The following VPS13B variants were observed in gnomAD, a reference collection of about 807,000 sequenced individuals.
VPS13B encodes the protein vacuolar protein sorting 13 homolog B, also known as intermembrane lipid transfer protein VPS13B.
In VPS13B, 285 loss-of-function variants were observed where a neutral mutation model predicts 426.4. That is an observed-to-expected ratio of 0.67 (90% CI 0.61 to 0.74). The LOEUF (loss-of-function observed/expected upper bound fraction) is 0.74. VPS13B is among the 30% of genes least tolerant of loss of function. The pLI, the probability that VPS13B is intolerant of heterozygous loss-of-function variation, is 0.00. For synonymous variants in VPS13B, 1,676 were observed against 1,676.4 expected, an observed-to-expected ratio of 1.00 and a Z score of 0.01; for missense variants, 4,537 against 4,782.6, an observed-to-expected ratio of 0.95 and a Z score of 1.51.
chr8:99,098,482 G>T (rs893528847), intron 4 of VPS13B, among the ~76,000 whole-genome samples: 1 of 152,002 alleles, frequency 6.6e-6, no homozygotes, highest in Admixed American at 6.6e-5. Context: ...ATACAATCCT[G>T]TTGTATAACT....
intron 4 of VPS13B, among the ~76,000 whole-genome samples, chr8:99,098,898 C>A (rs1846580414): frequency 6.6e-6 from 1 of 151,960 alleles, no homozygotes; most frequent in Non-Finnish European, 1.5e-5. Flanking sequence ...ATTTTGTTAG[C>A]TGACCAGTAT....
intron 5 of VPS13B, among the ~76,000 whole-genome samples, chr8:99,105,568 G>A (rs1352134188): frequency 1.3e-5 from 2 of 152,048 alleles, no homozygotes; most frequent in South Asian, 2.1e-4. Context: ...TGGTAGAGAC[G>A]GGGTTTCACC....
At chr8:99,794,030 A>G (rs1812688431) in intron 43 of VPS13B, among the ~76,000 whole-genome samples, 1 of 152,220 alleles carries the variant, frequency 6.6e-6, no homozygotes, top group South Asian at 2.1e-4. Flanking sequence ...AGGCTAAGGT[A>G]GGAAAGATAG....
intron 39 of VPS13B, among the ~76,000 whole-genome samples, chr8:99,757,193 A>G (rs904115730): frequency 6.6e-6 from 1 of 152,166 alleles, no homozygotes; most frequent in African/African-American, 2.4e-5. Flanking sequence ...ATGGCGGGAA[A>G]AGTGATGAAG....
Position 99,501,811 on chromosome 8 carries a change from A to G in VPS13B, c.3995A>G (p.Lys1332Arg). 1 of 1,613,990 alleles carries G rather than the reference A, an allele frequency of 6.2e-7. No individual in the cohort carries two copies. Among genetic ancestry groups the G allele is most frequent in the Non-Finnish European group, 8.5e-7 (1 of 1,180,006 alleles). Residue 1332 changes from lysine (K) to arginine (R), a missense_variant, in exon 26 of 62, where the codon AAA (lysine) becomes AGA (arginine). Around this residue, in one of 2 missense-constraint regions of VPS13B, gnomAD observed 4,311 missense variants for 4,474.3 expected, o/e 0.96. Coordinates refer to ENST00000357162, the MANE Select transcript of VPS13B (RefSeq NM_152564.5). ...TTATGGATGCAGTGGGTGCTTCCCAAAATTACTATAAAGCTCTTTGCTCCA... is the reference window on the plus strand; with the variant it reads ...TTATGGATGCAGTGGGTGCTTCCCAGAATTACTATAAAGCTCTTTGCTCCA... ...VSLWMQWVLP[K>R]ITIKLFAPDP...
intron 39 of VPS13B, among the ~76,000 whole-genome samples, chr8:99,741,076 C>T (rs944531025): frequency 6.6e-6 from 1 of 152,062 alleles, no homozygotes; most frequent in African/African-American, 2.4e-5. Flanking sequence ...ATTCAGGAAG[C>T]CCATCTCATG....
intron 15 of VPS13B, among the ~76,000 whole-genome samples, chr8:99,166,639 G>A (rs980376184): frequency 6.6e-6 from 1 of 152,164 alleles, no homozygotes; most frequent in Non-Finnish European, 1.5e-5. Context: ...TATTGTCCAT[G>A]CTATCCTTTC....
Position 99,135,689 on chromosome 8 carries a change from A to G in VPS13B, c.1519A>G (p.Asn507Asp), listed in dbSNP as rs1588076084. Residue 507 changes from asparagine to aspartate, a missense_variant, in exon 11 of 62, where the codon AAT becomes GAT. By Grantham distance (23) the Asn-to-Asp change is conservative. Around this residue, in one of 2 missense-constraint regions of VPS13B, gnomAD observed 4,311 missense variants for 4,474.3 expected, o/e 0.96. Coordinates refer to ENST00000357162, the MANE Select transcript of VPS13B (RefSeq NM_152564.5). ...GTTTGATTACCGAAGCCCAGAAAAT[A>G]ATGGTACTCGCGCAGAATTTATCTT... ...SLFDYRSPEN[N>D]GTRAEFILDS... 6.2e-7 allele frequency: 1 copy of G among 1,613,328 alleles called. No individual in the cohort carries two copies. The highest frequency in any genetic ancestry group is 1.3e-5 in the African/African-American group (1 of 74,888).
chr8:99,708,037 G>T (rs1161434051), intron 36 of VPS13B, among the ~76,000 whole-genome samples: 3 of 152,124 alleles, frequency 2.0e-5, no homozygotes, highest in African/African-American at 7.2e-5. Context: ...TTCTTCAGCA[G>T]TTTCCTCGCA....
rs554749033 is a variant in VPS13B at position 99,115,583 on chromosome 8, A to G, written c.763-117A>G. ...GTATTGTTTTGATTTAAGTATTAAAATGTTTGGAGCATTTCTTTTATGTTA... is the reference window on the plus strand; with the variant it reads ...GTATTGTTTTGATTTAAGTATTAAAGTGTTTGGAGCATTTCTTTTATGTTA... On this transcript the variant is annotated intron_variant, in intron 6 of 61. Transcript: ENST00000357162. 4 of 1,017,242 alleles carry G rather than the reference A, an allele frequency of 3.9e-6. No homozygotes were observed. In the South Asian group the frequency reaches 4.9e-5, roughly 13 times the overall value. 63.0% of individuals were successfully genotyped at this position (1,017,242 alleles called of 1,614,324 possible). A position where few individuals can be genotyped will look rare whatever the true frequency, so the allele number is the denominator to read the frequency against.
At chr8:99,420,344 A>T (rs916691287) in intron 21 of VPS13B, among the ~76,000 whole-genome samples, 2 of 152,156 alleles carry the variant, frequency 1.3e-5, no homozygotes, top group Non-Finnish European at 2.9e-5. Context: ...TTAATCATTG[A>T]CATCATTATT....
At chr8:99,192,467 G>A (rs571737979) in intron 16 of VPS13B, among the ~76,000 whole-genome samples, 1 of 152,272 alleles carries the variant, frequency 6.6e-6, no homozygotes, top group South Asian at 2.1e-4. Flanking sequence ...TATAATGATA[G>A]TACCTCCCTC....
At chr8:99,786,968 C>A (rs926785715) in intron 43 of VPS13B, among the ~76,000 whole-genome samples, 2 of 152,166 alleles carry the variant, frequency 1.3e-5, no homozygotes, top group African/African-American at 4.8e-5. Flanking sequence ...CAAACTGCAC[C>A]TGGAGCTTGT....
At chr8:99,014,788 C>G (rs893944463) in intron 2 of VPS13B, among the ~76,000 whole-genome samples, 3 of 151,340 alleles carry the variant, frequency 2.0e-5, no homozygotes, top group Non-Finnish European at 4.4e-5. Context: ...TTGAGAATGG[C>G]AGTAAAATTG....
chr8:99,673,848 T>C (rs1830817589), intron 35 of VPS13B, among the ~76,000 whole-genome samples: 1 of 152,070 alleles, frequency 6.6e-6, no homozygotes, highest in Non-Finnish European at 1.5e-5. Flanking sequence ...TTCTTTTAAT[T>C]TCTTCATTGA....
chr8:99,312,226 T>G (rs905088609), intron 19 of VPS13B, among the ~76,000 whole-genome samples: 5 of 152,196 alleles, frequency 3.3e-5, no homozygotes, highest in African/African-American at 7.2e-5. Context: ...GTTAGCTGGT[T>G]ATTTTGCTCG....
chr8:99,628,463 C>T lies in VPS13B; in HGVS notation c.5221-13348C>T, dbSNP rs949512965. The stretch of plus-strand genomic sequence containing the variant: ...TTGCTTCACTCCTCTACTCCTGCCT[C>T]CTGTTCCCTTTTCCTCATGTTTTCA... On this transcript the variant is annotated intron_variant, in intron 33 of 61. Transcript: ENST00000357162. 2.0e-5 allele frequency among the ~76,000 whole-genome samples: 3 copies of T among 152,202 alleles called. No individual in the cohort carries two copies. The East Asian group carries it at 5.8e-4, about 29-fold the overall frequency.
intron 19 of VPS13B, among the ~76,000 whole-genome samples, chr8:99,320,953 G>T (rs1809944301): frequency 6.6e-6 from 1 of 152,242 alleles, no homozygotes; most frequent in South Asian, 2.1e-4. Flanking sequence ...GAGCCAGTGT[G>T]TGCTGAAATC....
intron 15 of VPS13B, among the ~76,000 whole-genome samples, chr8:99,166,727 A>G (rs1037811930): frequency 1.3e-5 from 2 of 152,182 alleles, no homozygotes; most frequent in African/African-American, 4.8e-5. Context: ...TAAAATTCAT[A>G]TGGACTCTCA....
Sources: gnomAD v4.1 joint callset for allele counts (sites outside exome capture counted in the v4.1 genomes callset) on GRCh38, gnomAD v4.1.1 for gene constraint, gnomAD v4.1.1 regional missense constraint, MANE v1.5 for transcripts, NCBI Gene and HGNC (gene_info 2026-07-23, HGNC 2026-07-21) for gene names.